PPFIA2: variants seen among roughly 807,000 people sequenced by gnomAD.
The protein encoded by PPFIA2 is PPFI scaffold protein A2, also known as liprin-alpha-2.
PPFIA2 carries 46 observed loss-of-function variants against 175.5 expected under a neutral mutation model. The observed-to-expected ratio is 0.26, with a 90% CI of 0.21 to 0.34. The LOEUF (loss-of-function observed/expected upper bound fraction) is 0.34. Ranked by LOEUF, PPFIA2 falls within the 10% of genes least tolerant of loss-of-function variation. PPFIA2 has a pLI of 1.00. For missense variants in PPFIA2, 1,179 were observed against 1,506.1 expected, an observed-to-expected ratio of 0.78 and a Z score of 3.60; for synonymous variants, 568 against 511.4, an observed-to-expected ratio of 1.11 and a Z score of -1.49.
intron 4 of PPFIA2, among the ~76,000 whole-genome samples, chr12:81,567,661 T>C (rs1183472064): frequency 2.0e-5 from 3 of 152,186 alleles, no homozygotes; most frequent in Non-Finnish European, 2.9e-5. Flanking sequence ...ACTTCCTGGT[T>C]GATGATATGC....
intron 30 of PPFIA2, among the ~76,000 whole-genome samples, chr12:81,266,540 T>G (rs1352886757): frequency 6.6e-6 from 1 of 152,170 alleles, no homozygotes; most frequent in Non-Finnish European, 1.5e-5. Context: ...TGAAGCAAGT[T>G]TTATCCTCAT....
chr12:81,383,919 T>G, intron 9 of PPFIA2, 104 bp downstream of exon 9: 2 of 901,848 alleles, frequency 2.2e-6, no homozygotes, highest in Non-Finnish European at 3.4e-6. Context: ...AAGTATGGTC[T>G]TTTGAGAAGT....
chr12:81,282,457 T>C (rs747474777), intron 26 of PPFIA2, among the ~76,000 whole-genome samples: 109 of 152,088 alleles, frequency 7.2e-4, no homozygotes, highest in Non-Finnish European at 8.4e-4. Flanking sequence ...TCTCTTTTGG[T>C]CATCCAAAAT....
At chr12:81,708,930 AG>A (rs2077540898) in intron 3 of PPFIA2, among the ~76,000 whole-genome samples, 1 of 152,222 alleles carries the variant, frequency 6.6e-6, no homozygotes. Flanking sequence ...AATTTTCTCA[AG>A]GCAAGGTAAT....
chr12:81,590,822 A>C (rs909515785), intron 4 of PPFIA2, among the ~76,000 whole-genome samples: 5 of 152,164 alleles, frequency 3.3e-5, no homozygotes, highest in Non-Finnish European at 7.3e-5. Flanking sequence ...TAAGTCCTTT[A>C]AACATCTTTT....
At chr12:81,316,403 T>A (rs1372582747) in intron 22 of PPFIA2, among the ~76,000 whole-genome samples, 1 of 151,636 alleles carries the variant, frequency 6.6e-6, no homozygotes, top group African/African-American at 2.4e-5. Flanking sequence ...TTAATTTGAT[T>A]TTTTTATTTA....
At chr12:81,452,531 G>A (rs1189782732) in intron 5 of PPFIA2, among the ~76,000 whole-genome samples, 2 of 152,162 alleles carry the variant, frequency 1.3e-5, no homozygotes, top group Non-Finnish European at 2.9e-5. Context: ...GAGGGCGTAT[G>A]TCCTATCCTA....
rs1415201728 is a variant in PPFIA2, at chr12:81,258,351, T to A, written c.*1343A>T. 1.3e-5 allele frequency: 2 copies of A among 152,052 alleles called. No individual in the cohort carries two copies. Among genetic ancestry groups the A allele is most frequent in the African/African-American group, 4.8e-5 (2 of 41,416 alleles). The allele number at this position is 152,052 out of a possible 1,614,324, so 9.4% of individuals were successfully genotyped here. On this transcript the variant is annotated 3_prime_UTR_variant, in exon 33 of 33. Transcript: ENST00000549396. ...TGAATCTGTTAAATAAAAATAGACA[T>A]CAAAACAAATGTAATGTACGTGCAA... is the stretch of plus-strand genomic sequence containing the variant.
chr12:81,413,029 G>C (rs1431572362), intron 7 of PPFIA2, among the ~76,000 whole-genome samples: 1 of 151,654 alleles, frequency 6.6e-6, no homozygotes, highest in South Asian at 2.1e-4. Flanking sequence ...ATGAATTCGG[G>C]GACAATATCT....
chr12:81,496,704 T>C (rs1248854269), intron 4 of PPFIA2, among the ~76,000 whole-genome samples: 2 of 152,168 alleles, frequency 1.3e-5, no homozygotes, highest in Non-Finnish European at 2.9e-5. Flanking sequence ...TCTAACCCTC[T>C]GGGATAGAAT....
chr12:81,540,595 T>C (rs1041321176), intron 4 of PPFIA2, among the ~76,000 whole-genome samples: 1 of 152,000 alleles, frequency 6.6e-6, no homozygotes, highest in Non-Finnish European at 1.5e-5. Context: ...TTTAAATAAA[T>C]GTAGCTCTTT....
rs917969097 is a variant in PPFIA2 at position 81,671,588 on chromosome 12, G to A, written c.303+5203C>T. On this transcript the variant is annotated intron_variant, in intron 4 of 32. Transcript: ENST00000549396. ...AAAATGTTTCTAAAGGGAAGATCTC[G>A]TTGACTCTTCTGTTTAAAGACTTCA... Among the ~76,000 whole-genome samples the A allele has an allele frequency of 1.1e-4, 17 of 151,822 alleles. 1 individual carries two copies. The highest frequency in any genetic ancestry group is 1.1e-3 in the Admixed American group (17 of 15,190).
chr12:81,472,744 CAA>C (rs11337682), intron 4 of PPFIA2: 1 of 151,594 alleles, frequency 6.6e-6, no homozygotes, highest in Admixed American at 6.6e-5. Context: ...CCTTCCCCAG[CAA>C]AAAAACAAAA....
chr12:81,725,385 A>C (rs1390581532), intron 3 of PPFIA2, among the ~76,000 whole-genome samples: 8 of 150,916 alleles, frequency 5.3e-5, no homozygotes, highest in African/African-American at 1.9e-4. Flanking sequence ...AACACTAATA[A>C]ATTTAGAAAA....
chr12:81,585,269 G>A (rs766602086), intron 4 of PPFIA2, among the ~76,000 whole-genome samples: 20 of 149,990 alleles, frequency 1.3e-4, no homozygotes, highest in East Asian at 5.9e-4. Context: ...CATAGTAAAC[G>A]ATGTACACTT....
intron 4 of PPFIA2, chr12:81,546,301 C>A (rs2066983478): frequency 6.6e-6 from 1 of 152,068 alleles, no homozygotes; most frequent in Admixed American, 6.6e-5. Context: ...TTACAGCTTA[C>A]CACTGTTTTT....
chr12:81,680,597 G>A (rs903763092), intron 3 of PPFIA2, among the ~76,000 whole-genome samples: 6 of 151,880 alleles, frequency 4.0e-5, no homozygotes, highest in Admixed American at 1.3e-4. Flanking sequence ...GACAAAGGAG[G>A]CAGTCTTATG....
At chr12:81,665,157 G>A (rs1482570535) in intron 4 of PPFIA2, among the ~76,000 whole-genome samples, 1 of 151,928 alleles carries the variant, frequency 6.6e-6, no homozygotes, top group Non-Finnish European at 1.5e-5. Flanking sequence ...TGCACGTTGT[G>A]CACATGTACC....
chr12:81,650,170 C>T (rs951806325), intron 4 of PPFIA2, among the ~76,000 whole-genome samples: 6 of 151,974 alleles, frequency 3.9e-5, no homozygotes, highest in African/African-American at 1.2e-4. Flanking sequence ...CCACTGCACC[C>T]AGCTAATTTT....
Sources: gnomAD v4.1 joint callset for allele counts (sites outside exome capture counted in the v4.1 genomes callset) on GRCh38, gnomAD v4.1.1 for gene constraint, MANE v1.5 for transcripts, NCBI Gene and HGNC (gene_info 2026-07-23, HGNC 2026-07-21) for gene names.